Variants in ABCB7 observed in about 807,000 individuals in gnomAD.
The protein encoded by ABCB7 is ATP binding cassette subfamily B member 7, also known as iron-sulfur clusters transporter ABCB7, mitochondrial.
In ABCB7, 7 loss-of-function variants were observed where a neutral mutation model predicts 54.4. The observed-to-expected ratio is 0.13, with a 90% CI of 0.07 to 0.24. ABCB7 has a LOEUF of 0.24. Ranked by LOEUF, ABCB7 falls within the 10% of genes least tolerant of loss-of-function variation. ABCB7 has a pLI of 1.00. For missense variants in ABCB7, 356 were observed against 570.4 expected (o/e 0.62, Z 3.83); for synonymous variants, 218 against 207.1 (o/e 1.05, Z -0.45).
At chrX:75,071,229 T>G (rs766361843) in intron 9 of ABCB7, among the ~76,000 whole-genome samples, 1 of 110,324 alleles carries the variant, frequency 9.1e-6, no homozygotes, top group East Asian at 2.8e-4. Context: ...CAAGAGAAAT[T>G]AGAAAAGCTA....
intron 1 of ABCB7, among the ~76,000 whole-genome samples, chrX:75,124,264 C>CT (rs1157625988): frequency 1.8e-5 from 2 of 111,682 alleles, no homozygotes; most frequent in Non-Finnish European, 3.8e-5. Flanking sequence ...CCCTCTACCT[C>CT]TAATAGTTTT....
intron 1 of ABCB7, among the ~76,000 whole-genome samples, chrX:75,136,563 C>G (rs1255541853): frequency 9.0e-6 from 1 of 110,762 alleles, no homozygotes; most frequent in African/African-American, 3.3e-5. Context: ...AAAACAGAAA[C>G]AAAAACAAAA....
chrX:75,126,109 G>A (rs2081924370), intron 1 of ABCB7, among the ~76,000 whole-genome samples: 2 of 111,241 alleles, frequency 1.8e-5, no homozygotes, highest in Non-Finnish European at 3.8e-5. Flanking sequence ...AAGCTGGCTG[G>A]CTTGAAAAGA....
intron 1 of ABCB7, among the ~76,000 whole-genome samples, chrX:75,121,164 C>CT (rs1257244295): frequency 9.2e-6 from 1 of 109,236 alleles, no homozygotes; most frequent in African/African-American, 3.3e-5. Context: ...TGGCATGTGC[C>CT]TGTAATCCCA....
intron 1 of ABCB7, among the ~76,000 whole-genome samples, chrX:75,125,344 T>C (rs1223749629): frequency 8.9e-6 from 1 of 111,919 alleles, no homozygotes; most frequent in African/African-American, 3.2e-5. Context: ...TGACAAATGA[T>C]ATCTAATGAA....
At chrX:75,099,264 T>A (rs2081618876) in intron 3 of ABCB7, among the ~76,000 whole-genome samples, 1 of 112,102 alleles carries the variant, frequency 8.9e-6, no homozygotes, top group Admixed American at 9.5e-5. Context: ...AGTTATTCAT[T>A]TCTCTTAAAT....
At position 75,062,320 on chromosome X, in the gene ABCB7, T is replaced by C. The variant is rs750875059; in HGVS notation, c.1935+8A>G. On this transcript the variant is annotated splice_region_variant and intron_variant, in intron 14 of 15. Transcript: ENST00000373394. The stretch of plus-strand genomic sequence containing the variant: ...ATTGAAGAGCTTTATATTTTAATCA[T>C]AACTTACCTCTTCAGTAATCGAATC... 5.6e-5 allele frequency: 67 copies of C among 1,188,580 alleles called. 1 individual carries two copies. The South Asian group carries it at 1.2e-3, about 21-fold the overall frequency.
At chrX:75,118,816 C>G (rs934765998) in intron 1 of ABCB7, among the ~76,000 whole-genome samples, 5 of 111,579 alleles carry the variant, frequency 4.5e-5, no homozygotes, top group African/African-American at 1.6e-4. Flanking sequence ...TCCCCATCCC[C>G]CACTGAGAGA....
chrX:75,111,872 C>T (rs1201508773), intron 3 of ABCB7, among the ~76,000 whole-genome samples: 1 of 111,886 alleles, frequency 8.9e-6, no homozygotes, highest in African/African-American at 3.2e-5. Flanking sequence ...CCTTAAGAGG[C>T]CTTGGTGACA....
At chrX:75,095,193 G>A (rs1469409255) in intron 4 of ABCB7, among the ~76,000 whole-genome samples, 2 of 110,739 alleles carry the variant, frequency 1.8e-5, no homozygotes, top group African/African-American at 6.6e-5. Context: ...TCTATGTTTC[G>A]TGCCTAGTTA....
intron 1 of ABCB7, among the ~76,000 whole-genome samples, chrX:75,145,895 G>A (rs1259151944): frequency 1.8e-5 from 2 of 111,077 alleles, no homozygotes; most frequent in African/African-American, 6.6e-5. Context: ...AAAGTCTCAG[G>A]ACACAAAATC....
intron 1 of ABCB7, among the ~76,000 whole-genome samples, chrX:75,125,797 T>G (rs1249951066): frequency 9.1e-6 from 1 of 110,425 alleles, no homozygotes; most frequent in African/African-American, 3.3e-5. Context: ...GCTCCTCAAA[T>G]GAAAAAAAGG....
At chrX:75,155,185 T>C (rs2082164371) in intron 1 of ABCB7, among the ~76,000 whole-genome samples, 2 of 113,192 alleles carry the variant, frequency 1.8e-5, no homozygotes, top group African/African-American at 6.4e-5. Context: ...ATGTCTCTCT[T>C]AGTACCCTAT....
At chrX:75,104,173 T>C (rs962690188) in intron 3 of ABCB7, among the ~76,000 whole-genome samples, 4 of 102,570 alleles carry the variant, frequency 3.9e-5, no homozygotes, top group Admixed American at 1.1e-4. Flanking sequence ...AGTTTTTCTA[T>C]GCCTACTGTG....
chrX:75,148,863 C>T (rs1016339249), intron 1 of ABCB7, among the ~76,000 whole-genome samples: 3 of 111,424 alleles, frequency 2.7e-5, no homozygotes, highest in Non-Finnish European at 5.6e-5. Context: ...TTATGGCAAA[C>T]GTAGCAGGCA....
rs751068460 is a variant in ABCB7 at position 75,112,990 on chromosome X, C to G, written c.247-18G>C. On this transcript the variant is annotated intron_variant, in intron 2 of 15. Transcript: ENST00000373394. The stretch of plus-strand genomic sequence containing the variant: ...TGGAGAGCCTAATTGAAGATGATAC[C>G]AAGCAGTCCGTTAGCTATTACAGAA... The G allele has an allele frequency of 8.7e-7, 1 of 1,155,160 alleles. No homozygotes were observed. The highest frequency in any genetic ancestry group is 1.2e-6 in the Non-Finnish European group (1 of 844,670).
At chrX:75,117,209 T>C (rs940708420) in intron 1 of ABCB7, among the ~76,000 whole-genome samples, 20 of 108,948 alleles carry the variant, frequency 1.8e-4, no homozygotes, top group Non-Finnish European at 3.8e-4. Flanking sequence ...TCCAGTAACA[T>C]CTTTCTGGCA....
rs1371370518 is a variant in ABCB7, at chrX:75,053,482, T to C, written c.2147A>G (p.Asp716Gly). The change falls in exon 16 of 16, where the codon GAT becomes GGT. Residue 716 changes from aspartate (D) to glycine (G), a missense_variant. Asp to Gly is a moderately conservative substitution (Grantham distance 94, BLOSUM62 -1). This residue lies in a region of ABCB7 where 241 missense variants were observed against 470.9 expected (regional missense o/e 0.51). Transcript: ENST00000373394. ...HTQSSRVQNH[D>G]NPKWEAKKEN... The stretch of plus-strand genomic sequence containing the variant: ...TTTCTTTGCTTCCCATTTGGGGTTA[T>C]CATGGTTCTGCACACGGCTGCTCTG... 8.3e-7 allele frequency: 1 copy of C among 1,210,174 alleles called. No individual in the cohort carries two copies. The highest frequency in any genetic ancestry group is 1.1e-6 in the Non-Finnish European group (1 of 895,223).
intron 4 of ABCB7, among the ~76,000 whole-genome samples, chrX:75,092,534 A>G (rs750060591): frequency 8.9e-6 from 1 of 111,736 alleles, no homozygotes; most frequent in African/African-American, 3.2e-5. Context: ...ACTTAGCACC[A>G]AAAACATGAT....
Sources: allele counts gnomAD v4.1 joint callset (sites outside exome capture counted in the v4.1 genomes callset), GRCh38; gene constraint gnomAD v4.1.1; regional missense constraint gnomAD v4.1.1; transcripts MANE v1.5; gene names NCBI Gene and HGNC (gene_info 2026-07-23, HGNC 2026-07-21).